The following GRM8 variants were observed in gnomAD, a reference collection of about 807,000 sequenced individuals.
The protein encoded by GRM8 is glutamate metabotropic receptor 8.
A neutral mutation model predicts 87.2 loss-of-function variants in GRM8; 47 were observed. That is an observed-to-expected ratio of 0.54 (90% CI 0.43 to 0.69). The LOEUF is 0.69. Ranked by LOEUF, GRM8 falls within the 30% of genes least tolerant of loss-of-function variation. The pLI, the probability that GRM8 is intolerant of heterozygous loss-of-function variation, is 0.00. For missense variants in GRM8, 1,019 were observed against 1,139.2 expected, an observed-to-expected ratio of 0.89 and a Z score of 1.52; for synonymous variants, 396 against 404.5, an observed-to-expected ratio of 0.98 and a Z score of 0.25.
In GRM8 at chr7:126,996,760, T is replaced by C. The variant is rs570675888; in HGVS notation, c.728-92077A>G. On this transcript the variant is annotated intron_variant, in intron 3 of 10. Transcript: ENST00000339582. Reference sequence around the variant, plus strand: ...AGGATATAACAATTGTAAATAGATATGTACCCAACACTTGAACACCCAGAT... The same window carrying C: ...AGGATATAACAATTGTAAATAGATACGTACCCAACACTTGAACACCCAGAT... Among the ~76,000 whole-genome samples the C allele has an allele frequency of 5.9e-5, 9 of 152,138 alleles. No individual in the cohort carries two copies. The South Asian group carries it at 1.9e-3, about 32-fold the overall frequency.
intron 6 of GRM8, among the ~76,000 whole-genome samples, chr7:126,889,734 G>A (rs1158391588): frequency 6.6e-6 from 1 of 152,046 alleles, no homozygotes. Context: ...GGAAACCTGT[G>A]AGAAATTAGT....
chr7:126,469,633 G>T (rs190659696), intron 9 of GRM8, among the ~76,000 whole-genome samples: 1 of 152,160 alleles, frequency 6.6e-6, no homozygotes, highest in Admixed American at 6.5e-5. Context: ...GCACTTCTTC[G>T]TCCTACTGCC....
At chr7:126,688,427 G>C (rs1192818595) in intron 7 of GRM8, among the ~76,000 whole-genome samples, 1 of 152,148 alleles carries the variant, frequency 6.6e-6, no homozygotes, top group Non-Finnish European at 1.5e-5. Flanking sequence ...GGAGGTCGGT[G>C]ATGAATAGAG....
intron 3 of GRM8, among the ~76,000 whole-genome samples, chr7:127,062,005 G>T (rs761987185): frequency 6.6e-6 from 1 of 152,058 alleles, no homozygotes; most frequent in Admixed American, 6.6e-5. Context: ...GCTGCCAGGC[G>T]TGGTGATGTG....
chr7:126,932,437 T>A (rs1406156466), intron 3 of GRM8, among the ~76,000 whole-genome samples: 3 of 152,176 alleles, frequency 2.0e-5, no homozygotes, highest in Non-Finnish European at 4.4e-5. Flanking sequence ...GACAACTGAA[T>A]AAAGAATTAC....
rs565549319 is a variant in GRM8, at chr7:127,155,106, G to A, written c.511-48394C>T. On this transcript the variant is annotated intron_variant, in intron 2 of 10. Coordinates refer to ENST00000339582, the MANE Select transcript of GRM8 (RefSeq NM_000845.3). ...GGTACAGACTTGAAAGTATAAGTAC[G>A]TTCCAAGGAGGACTTAGCTATAATC... Among the ~76,000 whole-genome samples the A allele has an allele frequency of 5.9e-5, 9 of 152,242 alleles. No individual in the cohort carries two copies. The South Asian group carries it at 1.5e-3, about 25-fold the overall frequency.
chr7:127,241,686 T>C (rs565945011), intron 2 of GRM8, among the ~76,000 whole-genome samples: 5 of 152,252 alleles, frequency 3.3e-5, no homozygotes, highest in Non-Finnish European at 5.9e-5. Context: ...CCGCCCGCCT[T>C]GGCCTCCCAA....
chr7:126,741,605 A>G (rs2106600), intron 7 of GRM8, among the ~76,000 whole-genome samples: 59,297 of 151,970 alleles, frequency 0.39, 12,784 homozygotes, highest in Non-Finnish European at 0.48. Context: ...ACGAGCTGAC[A>G]GCATGATGTC....
At chr7:126,604,732 A>C (rs1798180070) in intron 8 of GRM8, among the ~76,000 whole-genome samples, 1 of 152,170 alleles carries the variant, frequency 6.6e-6, no homozygotes, top group Admixed American at 6.5e-5. Flanking sequence ...CAATGCATCT[A>C]CTATTCATAA....
At chr7:126,856,121 CTT>C (rs546930358) in intron 6 of GRM8, among the ~76,000 whole-genome samples, 1 of 148,208 alleles carries the variant, frequency 6.7e-6, no homozygotes, top group Admixed American at 6.7e-5. Context: ...TAAATTCTGT[CTT>C]TTTTTTTTAT....
At chr7:126,776,323 T>A (rs1393154295) in intron 6 of GRM8, among the ~76,000 whole-genome samples, 1 of 152,076 alleles carries the variant, frequency 6.6e-6, no homozygotes, top group Admixed American at 6.6e-5. Context: ...AATCTAACTA[T>A]CTGATTAAAT....
intron 7 of GRM8, among the ~76,000 whole-genome samples, chr7:126,758,003 C>A (rs1010877785): frequency 1.3e-5 from 2 of 151,990 alleles, no homozygotes; most frequent in Non-Finnish European, 2.9e-5. Context: ...AAAGTCTAAA[C>A]CTTTTGGGAA....
rs1803807804 is a variant in GRM8, at chr7:126,915,611, C to T, written c.728-10928G>A. ...GATATGTTGCCTCTTCTTACCTCTT[C>T]CTTTGAATTAGAAATGTCTAAGGAG... is the stretch of plus-strand genomic sequence containing the variant. On this transcript the variant is annotated intron_variant, in intron 3 of 10. Coordinates refer to ENST00000339582, the MANE Select transcript of GRM8 (RefSeq NM_000845.3). 2.0e-5 allele frequency among the ~76,000 whole-genome samples: 3 copies of T among 152,240 alleles called. No individual in the cohort carries two copies. In the South Asian group the frequency reaches 6.2e-4, roughly 32 times the overall value.
chr7:127,198,724 G>C (rs1416949934), intron 2 of GRM8, among the ~76,000 whole-genome samples: 1 of 151,512 alleles, frequency 6.6e-6, no homozygotes, highest in African/African-American at 2.4e-5. Flanking sequence ...GATAGAGTCT[G>C]GAGTGCAGTG....
At chr7:126,637,688 T>C (rs1406137787) in intron 7 of GRM8, among the ~76,000 whole-genome samples, 2 of 152,134 alleles carry the variant, frequency 1.3e-5, no homozygotes, top group African/African-American at 2.4e-5. Flanking sequence ...CCAAATTTAA[T>C]TTGAGTAATT....
intron 6 of GRM8, among the ~76,000 whole-genome samples, chr7:126,820,600 T>C (rs1040082102): frequency 2.0e-5 from 3 of 152,196 alleles, no homozygotes; most frequent in Admixed American, 6.5e-5. Context: ...TAGAAAACCA[T>C]ATGAGACAGT....
chr7:126,553,500 A>G (rs1792810142), intron 8 of GRM8, among the ~76,000 whole-genome samples: 1 of 152,152 alleles, frequency 6.6e-6, no homozygotes, highest in Non-Finnish European at 1.5e-5. Context: ...TGTTTGACCA[A>G]AAGTAGTTCT....
At chr7:126,442,877 C>T (rs1033673941) in intron 10 of GRM8, among the ~76,000 whole-genome samples, 4 of 151,990 alleles carry the variant, frequency 2.6e-5, no homozygotes, top group African/African-American at 9.7e-5. Flanking sequence ...GTTCTGGAAT[C>T]AGATGATTTA....
chr7:127,143,985 G>A (rs568990352), intron 2 of GRM8, among the ~76,000 whole-genome samples: 2 of 152,196 alleles, frequency 1.3e-5, no homozygotes, highest in Admixed American at 1.3e-4. Context: ...GAGAATAAGA[G>A]GACAGATTCT....
Sources: gnomAD v4.1 joint callset for allele counts (sites outside exome capture counted in the v4.1 genomes callset) on GRCh38, gnomAD v4.1.1 for gene constraint, MANE v1.5 for transcripts, NCBI Gene and HGNC (gene_info 2026-07-23, HGNC 2026-07-21) for gene names.